The following RANBP2 variants were observed in gnomAD, a reference collection of about 807,000 sequenced individuals.
RANBP2 encodes RAN binding protein 2, also known as E3 SUMO-protein ligase RanBP2.
Under a neutral mutation model 303.6 loss-of-function variants are expected in RANBP2, and 57 were observed. The observed-to-expected ratio is 0.19, with a 90% CI of 0.15 to 0.23. The LOEUF is 0.23. RANBP2 is among the 10% of genes least tolerant of loss of function. RANBP2 has a pLI of 1.00. For synonymous variants in RANBP2, 1,167 were observed against 1,301.5 expected (o/e 0.90, Z 2.23); for missense variants, 3,138 against 3,780.8 (o/e 0.83, Z 4.46).
chr2:109,121,073 C>T, the RANBP2 span, among the ~76,000 whole-genome samples: 1 of 152,048 alleles, frequency 6.6e-6, no homozygotes, highest in African/African-American at 2.4e-5. Context: ...GGTGAAACCC[C>T]GTCTCTACTA....
At chr2:109,215,877 A>T in the RANBP2 span, among the ~76,000 whole-genome samples, 1 of 152,146 alleles carries the variant, frequency 6.6e-6, no homozygotes, top group African/African-American at 2.4e-5. Context: ...GTCCCGAGGA[A>T]CCGGCATACA....
the RANBP2 span, among the ~76,000 whole-genome samples, chr2:108,893,662 A>T: frequency 6.6e-6 from 1 of 152,108 alleles, no homozygotes; most frequent in Admixed American, 6.5e-5. Flanking sequence ...TGCATAAATC[A>T]CTGATAACAA....
the RANBP2 span, among the ~76,000 whole-genome samples, chr2:109,000,735 G>A: frequency 0.2 from 29,961 of 152,096 alleles, 3,084 homozygotes; most frequent in Middle Eastern, 0.32. Flanking sequence ...TTTCCCATGA[G>A]CCAGGCACTA....
At chr2:108,913,516 A>G in the RANBP2 span, among the ~76,000 whole-genome samples, 3 of 152,158 alleles carry the variant, frequency 2.0e-5, no homozygotes, top group African/African-American at 7.2e-5. Context: ...TCACTATTAA[A>G]AATCTGGAAA....
At chr2:108,738,340 G>A (rs1408950323) in intron 6 of RANBP2, among the ~76,000 whole-genome samples, 2 of 152,034 alleles carry the variant, frequency 1.3e-5, no homozygotes, top group African/African-American at 4.8e-5. Flanking sequence ...CTCCCAAAGT[G>A]CTGGGATTAC....
chr2:109,429,246 G>A, the RANBP2 span, among the ~76,000 whole-genome samples: 2 of 152,126 alleles, frequency 1.3e-5, no homozygotes, highest in East Asian at 1.9e-4. Flanking sequence ...CACCCAACAC[G>A]AGCCGCATGC....
intron 7 of RANBP2, among the ~76,000 whole-genome samples, chr2:108,744,179 G>A (rs1405260766): frequency 4.6e-5 from 7 of 152,238 alleles, no homozygotes; most frequent in South Asian, 2.1e-4. Context: ...TGAGGCGGGC[G>A]GATCACTTGA....
At chr2:108,862,032 A>G in the RANBP2 span, among the ~76,000 whole-genome samples, 1 of 142,686 alleles carries the variant, frequency 7.0e-6, no homozygotes, top group African/African-American at 2.6e-5. Context: ...ATTGGTTTCT[A>G]TTTTTATTCC....
intron 8 of RANBP2, 34 bp downstream of exon 8, chr2:108,746,832 A>C (rs2149198689): frequency 1.6e-6 from 1 of 615,256 alleles, no homozygotes; most frequent in African/African-American, 1.9e-5. Flanking sequence ...TAATTTAAAA[A>C]GAAAAAGGAA....
the RANBP2 span, chr2:109,544,082 G>C: frequency 2.9e-6 from 4 of 1,395,486 alleles, no homozygotes; most frequent in Non-Finnish European, 3.9e-6. Context: ...GAAGCTTCTG[G>C]ATTTCAGATT....
At chr2:109,541,627 G>C in the RANBP2 span, among the ~76,000 whole-genome samples, 1 of 152,208 alleles carries the variant, frequency 6.6e-6, no homozygotes, top group Admixed American at 6.5e-5. Context: ...CCTTACCGGA[G>C]CCCCACTCCT....
the RANBP2 span, among the ~76,000 whole-genome samples, chr2:108,890,383 C>T: frequency 6.6e-6 from 1 of 151,874 alleles, no homozygotes; most frequent in Middle Eastern, 3.2e-3. Flanking sequence ...TAGCTGGGAC[C>T]ACAGGCACAA....
the RANBP2 span, among the ~76,000 whole-genome samples, chr2:109,583,994 G>C: frequency 6.6e-6 from 1 of 152,098 alleles, no homozygotes; most frequent in Non-Finnish European, 1.5e-5. Flanking sequence ...TACTAGAGTG[G>C]GAAGGAAGAT....
the RANBP2 span, among the ~76,000 whole-genome samples, chr2:109,661,152 A>T: frequency 2.0e-5 from 3 of 152,166 alleles, no homozygotes; most frequent in Admixed American, 1.3e-4. Flanking sequence ...AGGTTTATGG[A>T]AGCTCTGCCA....
chr2:109,376,710 C>T, the RANBP2 span, among the ~76,000 whole-genome samples: 1 of 152,246 alleles, frequency 6.6e-6, no homozygotes, highest in Non-Finnish European at 1.5e-5. Flanking sequence ...CAGAAATTGG[C>T]TGCTCCCTGT....
the RANBP2 span, among the ~76,000 whole-genome samples, chr2:109,726,559 G>A: frequency 6.6e-6 from 1 of 152,180 alleles, no homozygotes; most frequent in Non-Finnish European, 1.5e-5. Context: ...CAAGGAGGCT[G>A]TGTGATCATT....
At chr2:109,480,801 C>T in the RANBP2 span, among the ~76,000 whole-genome samples, 1 of 152,220 alleles carries the variant, frequency 6.6e-6, no homozygotes, top group Non-Finnish European at 1.5e-5. Context: ...ACATTATGAC[C>T]TCCGGCTCTC....
chr2:108,727,049 G>A (rs560122298), intron 1 of RANBP2, among the ~76,000 whole-genome samples: 4 of 152,190 alleles, frequency 2.6e-5, no homozygotes, highest in Non-Finnish European at 4.4e-5. Context: ...ACACAGACAC[G>A]GCAACCATCC....
At chr2:108,772,636 A>T in intron 22 of RANBP2, 55 bp downstream of exon 22, 1 of 1,496,644 alleles carries the variant, frequency 6.7e-7, no homozygotes, top group Non-Finnish European at 9.3e-7. Context: ...TCTATTTAGA[A>T]GGAATAACCT....
Sources: gnomAD v4.1 joint callset for allele counts (sites outside exome capture counted in the v4.1 genomes callset) on GRCh38, gnomAD v4.1.1 for gene constraint, MANE v1.5 for transcripts, NCBI Gene and HGNC (gene_info 2026-07-23, HGNC 2026-07-21) for gene names.